ANKRD36C: variants seen among roughly 807,000 people sequenced by gnomAD.
ANKRD36C encodes ankyrin repeat domain-containing protein 36C.
In ANKRD36C, 61 loss-of-function variants were observed where a neutral mutation model predicts 276.4. The ratio of observed to expected loss-of-function variants is 0.22; its 90% CI spans 0.18 to 0.27. ANKRD36C has a LOEUF of 0.27. Ranked by LOEUF, ANKRD36C falls within the 10% of genes least tolerant of loss-of-function variation. The probability of loss-of-function intolerance (pLI) is 1.00; values close to 1 mark genes in which losing one functional copy is unlikely to be tolerated. For missense variants in ANKRD36C, 1,447 were observed against 2,032.3 expected (o/e 0.71, Z 5.54); for synonymous variants, 483 against 680.1 (o/e 0.71, Z 4.51).
chr2:95,910,395 C>A (rs1407996357), intron 42 of ANKRD36C: 9 of 1,546,958 alleles, frequency 5.8e-6, no homozygotes, highest in Admixed American at 1.9e-5. Flanking sequence ...TTTCTCCATC[C>A]TTTTCTTCTC....
exon 22 of ANKRD36C, chr2:95,938,859 C>G: frequency 6.5e-7 from 1 of 1,537,764 alleles, no homozygotes; most frequent in Non-Finnish European, 8.7e-7. Context: ...TCCATACTTC[C>G]TAAGAATCTA....
In ANKRD36C at chr2:95,914,104, T is replaced by G; in HGVS notation, c.2551+4A>C. 6.4e-7 allele frequency: 1 copy of G among 1,561,190 alleles called. No homozygotes were observed. Among genetic ancestry groups the G allele is most frequent in the South Asian group, 1.2e-5 (1 of 85,702 alleles). On this transcript the variant is annotated splice_donor_region_variant and intron_variant, in intron 40 of 66. Transcript: ENST00000456556. ...CATGACATTAAATCTCTTTTCAAAA[T>G]TACCTCTCCTAGTTTTTTCTCCATC...
chr2:95,895,735 G>C, intron 44 of ANKRD36C, 145 bp from the exon 61 acceptor site: 1 of 1,389,336 alleles, frequency 7.2e-7, no homozygotes, highest in East Asian at 2.6e-5. Context: ...CAGGGGACCA[G>C]AAGGTGACAG....
chr2:95,915,982 G>C, exon 38 of ANKRD36C: 1 of 1,548,134 alleles, frequency 6.5e-7, no homozygotes, highest in Non-Finnish European at 8.7e-7. Context: ...AAAATTACCT[G>C]TCCTAGATAT....
At chr2:95,861,892 A>T (rs1675593449) in intron 60 of ANKRD36C, among the ~76,000 whole-genome samples, 1 of 152,160 alleles carries the variant, frequency 6.6e-6, no homozygotes, top group Non-Finnish European at 1.5e-5. Context: ...AGGATGGAAA[A>T]AGATACATGC....
At chr2:95,910,133 A>C (rs1450191934) in intron 42 of ANKRD36C, among the ~76,000 whole-genome samples, 1 of 151,208 alleles carries the variant, frequency 6.6e-6, no homozygotes, top group African/African-American at 2.4e-5. Flanking sequence ...TTATGTCTTC[A>C]ACTGCTCTCC....
At chr2:95,954,889 G>T (rs1678291508) in intron 13 of ANKRD36C, among the ~76,000 whole-genome samples, 1 of 151,968 alleles carries the variant, frequency 6.6e-6, no homozygotes, top group South Asian at 2.1e-4. Context: ...TCCCTCTTCT[G>T]CAGGGATCTG....
intron 59 of ANKRD36C, among the ~76,000 whole-genome samples, chr2:95,869,914 C>T (rs1385940235): frequency 6.6e-6 from 1 of 152,262 alleles, no homozygotes; most frequent in African/African-American, 2.4e-5. Context: ...TAATTGCTAG[C>T]ACAGCAGTCT....
chr2:95,991,583 A>G (rs762417391), exon 1 of ANKRD36C: 13 of 1,613,854 alleles, frequency 8.1e-6, no homozygotes, highest in South Asian at 1.1e-5. Context: ...CCAGATCACG[A>G]TAGAAGACAG....
chr2:95,856,100 T>C (rs1675406068), exon 63 of ANKRD36C: 5 of 1,607,004 alleles, frequency 3.1e-6, no homozygotes, highest in Non-Finnish European at 3.4e-6. Context: ...TTGTGTCTTT[T>C]TCCAGCCTGA....
exon 60 of ANKRD36C, chr2:95,867,474 T>C: frequency 7.1e-7 from 1 of 1,404,832 alleles, no homozygotes; most frequent in Admixed American, 2.0e-5. Flanking sequence ...CAATGAGTAA[T>C]ATGACATTCT....
intron 6 of ANKRD36C, among the ~76,000 whole-genome samples, chr2:95,968,665 T>A (rs1558660385): frequency 6.6e-6 from 1 of 152,222 alleles, no homozygotes; most frequent in Non-Finnish European, 1.5e-5. Flanking sequence ...GGGTGCCCTG[T>A]AATTCTGGCA....
chr2:95,915,612 G>C (rs1677069168), intron 38 of ANKRD36C, among the ~76,000 whole-genome samples: 1 of 151,386 alleles, frequency 6.6e-6, no homozygotes. Flanking sequence ...ACACTTTTCT[G>C]TCTGTTTTTA....
In ANKRD36C at chr2:95,910,000, C is replaced by G. The variant is rs967391397; in HGVS notation, c.2653+2244G>C. 1.6e-4 allele frequency among the ~76,000 whole-genome samples: 24 copies of G among 151,302 alleles called. 1 individual carries two copies. The highest frequency in any genetic ancestry group is 5.3e-4 in the African/African-American group (22 of 41,256). Reference sequence around the variant, plus strand: ...TGTACGGGTTATTACAACAAGTTTTCTGTCTGTTCTTAGCAGTACGATGTG... The same window carrying G: ...TGTACGGGTTATTACAACAAGTTTTGTGTCTGTTCTTAGCAGTACGATGTG... On this transcript the variant is annotated intron_variant, in intron 42 of 66. Transcript: ENST00000456556.
rs750628617 is a variant in ANKRD36C at position 95,889,891 on chromosome 2, C to G, written c.2887-20G>C. ...TGTAGCCTGAATGGAATTTGAAACA[C>G]AACAGTCAATAAATAAAGTATGTTT... On this transcript the variant is annotated intron_variant, in intron 47 of 66. Coordinates refer to ENST00000456556, the Ensembl canonical transcript of ANKRD36C. The G allele has an allele frequency of 4.4e-6, 7 of 1,606,626 alleles. No individual in the cohort carries two copies. The Admixed American group carries it at 1.0e-4, about 23-fold the overall frequency.
intron 59 of ANKRD36C, among the ~76,000 whole-genome samples, chr2:95,874,578 A>G (rs1318180638): frequency 6.6e-6 from 1 of 152,256 alleles, no homozygotes; most frequent in African/African-American, 2.4e-5. Flanking sequence ...TAAAAACCCT[A>G]GAAGAAAACC....
intron 59 of ANKRD36C, among the ~76,000 whole-genome samples, chr2:95,870,348 G>A (rs192636340): frequency 6.6e-5 from 10 of 152,288 alleles, no homozygotes; most frequent in South Asian, 4.1e-4. Flanking sequence ...AGCAGCATTC[G>A]CGGTTCACGA....
intron 24 of ANKRD36C, among the ~76,000 whole-genome samples, chr2:95,933,637 C>G (rs1395879724): frequency 6.6e-6 from 1 of 152,160 alleles, no homozygotes; most frequent in Admixed American, 6.6e-5. Context: ...TATCCTGAGA[C>G]TTTGCTGATG....
intron 44 of ANKRD36C, among the ~76,000 whole-genome samples, chr2:95,892,628 A>G (rs1676407095): frequency 6.6e-6 from 1 of 151,556 alleles, no homozygotes; most frequent in African/African-American, 2.4e-5. Flanking sequence ...CCAGTTATTC[A>G]TTCAGAAATC....
Sources: allele counts gnomAD v4.1 joint callset (sites outside exome capture counted in the v4.1 genomes callset), GRCh38; gene constraint gnomAD v4.1.1; transcripts MANE v1.5; gene names NCBI Gene and HGNC (gene_info 2026-07-23, HGNC 2026-07-21).